CDH5: variants seen among roughly 807,000 people sequenced by gnomAD.
CDH5 encodes cadherin-5.
Under a neutral mutation model 62.0 loss-of-function variants are expected in CDH5, and 28 were observed. That is an observed-to-expected ratio of 0.45 (90% confidence interval 0.33 to 0.62). The LOEUF is 0.62. Among genes scored for constraint, CDH5 ranks in the 20% least tolerant of loss-of-function variants. The pLI is 0.02. For synonymous variants in CDH5, 464 were observed against 445.8 expected, an observed-to-expected ratio of 1.04 and a Z score of -0.52; for missense variants, 940 against 1,065.1, an observed-to-expected ratio of 0.88 and a Z score of 1.63.
At chr16:66,393,379 A>T (rs1025456601) in intron 7 of CDH5, among the ~76,000 whole-genome samples, 5 of 152,240 alleles carry the variant, frequency 3.3e-5, no homozygotes, top group African/African-American at 1.2e-4. Flanking sequence ...GAGGTTTAAC[A>T]GGAAGTATAG....
rs376087780 is a variant in CDH5, at chr16:66,392,366, G to A, written c.1200G>A (p.Ala400=). 1.7e-5 allele frequency: 27 copies of A among 1,614,170 alleles called. No individual in the cohort carries two copies. The highest frequency in any genetic ancestry group is 1.7e-4 in the Admixed American group (10 of 60,018). ...IGTVLAMDPD[A]ARHSIGYSIR... Reference sequence around the variant, plus strand: ...CAGTGCTGGCCATGGACCCTGATGCGGCTAGGCATAGCATTGGGTAAGGGG... The same window carrying A: ...CAGTGCTGGCCATGGACCCTGATGCAGCTAGGCATAGCATTGGGTAAGGGG... The change falls in exon 7 of 12, where the codon GCG becomes GCA. Residue 400 remains alanine, a synonymous_variant. Coordinates refer to ENST00000341529, the MANE Select transcript of CDH5 (RefSeq NM_001795.5).
intron 2 of CDH5, among the ~76,000 whole-genome samples, chr16:66,385,318 T>A (rs774783762): frequency 6.6e-6 from 1 of 152,244 alleles, no homozygotes; most frequent in Non-Finnish European, 1.5e-5. Context: ...TGGTGTAAGA[T>A]GCTTTACATA....
Position 66,389,391 on chromosome 16 carries a change from G to T in CDH5, c.650G>T (p.Arg217Leu). The part of the protein sequence containing the change: ...RIITITKSLD[R>L]EKQARYEIVV... ...ATCACAATAACGAAAAGCTTGGACCGAGAGAAGCAGGCCAGGTATGAGATC... is the reference window on the plus strand; with the variant it reads ...ATCACAATAACGAAAAGCTTGGACCTAGAGAAGCAGGCCAGGTATGAGATC... Residue 217 changes from arginine to leucine, a missense_variant, in exon 5 of 12, where the codon CGA becomes CTA. Coordinates refer to ENST00000341529, the MANE Select transcript of CDH5 (RefSeq NM_001795.5). The T allele has an allele frequency of 6.2e-7, 1 of 1,613,208 alleles. No individual in the cohort carries two copies. Among genetic ancestry groups the T allele is most frequent in the Non-Finnish European group, 8.5e-7 (1 of 1,179,518 alleles).
chr16:66,401,228 G>C (rs1961276518), intron 11 of CDH5, among the ~76,000 whole-genome samples: 1 of 152,202 alleles, frequency 6.6e-6, no homozygotes, highest in Non-Finnish European at 1.5e-5. Context: ...ATGAGCCAGG[G>C]AGGAGGAGGG....
rs1960992981 is a variant in CDH5 at position 66,386,872 on chromosome 16, G to A, written c.274G>A (p.Val92Ile). 6.2e-7 allele frequency: 1 copy of A among 1,614,206 alleles called. No individual in the cohort carries two copies. Reference sequence around the variant, plus strand: ...GCTCAAAGGAGAATATGTGGGCAAGGTCTTCCGGGTCGATGCAGAGACAGG... The same window carrying A: ...GCTCAAAGGAGAATATGTGGGCAAGATCTTCCGGGTCGATGCAGAGACAGG... ...YLLKGEYVGK[V>I]FRVDAETGDV... The change falls in exon 3 of 12, where the codon GTC becomes ATC. Residue 92 changes from valine to isoleucine, a missense_variant. Coordinates refer to ENST00000341529, the MANE Select transcript of CDH5 (RefSeq NM_001795.5).
In CDH5 at chr16:66,403,259, G is replaced by C. The variant is rs552236742; in HGVS notation, c.*90G>C. The C allele has an allele frequency of 8.1e-7, 1 of 1,228,736 alleles. No individual in the cohort carries two copies. The highest frequency in any genetic ancestry group is 1.1e-6 in the Non-Finnish European group (1 of 888,074). The allele number at this position is 1,228,736 out of a possible 1,614,324, so 76.1% of individuals were successfully genotyped here. ...GGCACCACAGCCTCCAAAAATGGCA[G>C]TGACTCCCCAGCCCAGCACCCCTTC... is the stretch of plus-strand genomic sequence containing the variant. On this transcript the variant is annotated 3_prime_UTR_variant, in exon 12 of 12. Coordinates refer to ENST00000341529, the MANE Select transcript of CDH5 (RefSeq NM_001795.5). This position sits in a 1 kb window ranked among gnomAD's most constrained non-coding sequence, Gnocchi z 4.3.
At chr16:66,371,832 GCTGGGTCCAGACTTC>G (rs61348368) in intron 1 of CDH5, among the ~76,000 whole-genome samples, 46,627 of 152,014 alleles carry the variant, frequency 0.31, 7,605 homozygotes, top group African/African-American at 0.42. Context: ...GGGGCCCCCA[GCTGGGTCCAGACTTC>G]CTATGTCTTA....
At chr16:66,394,181 C>A (rs1411760365) in intron 7 of CDH5, among the ~76,000 whole-genome samples, 1 of 152,118 alleles carries the variant, frequency 6.6e-6, no homozygotes, top group African/African-American at 2.4e-5. Context: ...AACTATTTTA[C>A]CTTCATTATG....
In CDH5 at chr16:66,379,391, G is replaced by C; in HGVS notation, c.54G>C (p.Leu18=). 6.2e-7 allele frequency: 1 copy of C among 1,614,064 alleles called. No homozygotes were observed. The highest frequency in any genetic ancestry group is 8.5e-7 in the Non-Finnish European group (1 of 1,179,992). The part of the protein sequence containing the change: ...LATSGACLGL[L]AVAAVAAAGA... The stretch of plus-strand genomic sequence containing the variant: ...CATCGGGCGCCTGCCTGGGCCTGCT[G>C]GCAGTGGCAGCAGTGGCAGCAGCAG... Residue 18 remains leucine, a synonymous_variant, in exon 2 of 12, where the codon CTG becomes CTC. Transcript: ENST00000341529.
intron 8 of CDH5, among the ~76,000 whole-genome samples, chr16:66,397,550 A>G (rs76488703): frequency 0.031 from 4,677 of 152,226 alleles, 220 homozygotes; most frequent in African/African-American, 0.11. Flanking sequence ...TATGTTTAAG[A>G]TGTAAGTGAC....
At chr16:66,397,870 C>T in intron 8 of CDH5, 112 bp from the exon 9 acceptor site, 1 of 1,213,934 alleles carries the variant, frequency 8.2e-7, no homozygotes, top group South Asian at 1.3e-5. Context: ...TGTTCCACAG[C>T]CTCCTCCTGC....
chr16:66,372,875 G>C (rs951142480), intron 1 of CDH5, among the ~76,000 whole-genome samples: 2 of 152,178 alleles, frequency 1.3e-5, no homozygotes, highest in African/African-American at 4.8e-5. Flanking sequence ...CAGACTGAGG[G>C]AGGGTACAGA....
At position 66,396,105 on chromosome 16, in the gene CDH5, A is replaced by G. The variant is rs766280589; in HGVS notation, c.1264A>G (p.Thr422Ala). The change falls in exon 8 of 12, where the codon ACA (threonine) becomes GCA (alanine). Residue 422 changes from threonine (T) to alanine (A), a missense_variant. Physicochemically the swap from Thr to Ala is moderately conservative, Grantham distance 58. Transcript: ENST00000341529. ...TSDKGQFFRV[T>A]KKGDIYNEKE... The stretch of plus-strand genomic sequence containing the variant: ...TGACAAGGGCCAGTTCTTCCGAGTC[A>G]CAAAAAAGGGGGACATTTACAATGA... 2.5e-6 allele frequency: 4 copies of G among 1,614,152 alleles called. No homozygotes were observed. The highest frequency in any genetic ancestry group is 1.7e-4 in the Middle Eastern group (1 of 6,032).
intron 1 of CDH5, among the ~76,000 whole-genome samples, chr16:66,373,369 A>G (rs1237155105): frequency 6.6e-6 from 1 of 151,844 alleles, no homozygotes; most frequent in African/African-American, 2.4e-5. Context: ...CATCTGTCCA[A>G]CAAGACCCTT....
chr16:66,382,438 ACT>A (rs893219036), intron 2 of CDH5, among the ~76,000 whole-genome samples: 31 of 152,184 alleles, frequency 2.0e-4, no homozygotes, highest in African/African-American at 7.5e-4. Context: ...AGCATTCCTG[ACT>A]CTCAACACAA....
intron 6 of CDH5, 87 bp downstream of exon 6, chr16:66,390,677 A>G: frequency 1.6e-6 from 2 of 1,259,020 alleles, no homozygotes; most frequent in Non-Finnish European, 2.3e-6. Flanking sequence ...CTCCTGGGCC[A>G]GAGACCATCA....
intron 1 of CDH5, among the ~76,000 whole-genome samples, chr16:66,367,480 C>T (rs1421925011): frequency 1.3e-5 from 2 of 152,190 alleles, no homozygotes; most frequent in Non-Finnish European, 2.9e-5. Flanking sequence ...AGCCCCAAGG[C>T]CCCCACAGCC....
chr16:66,380,548 G>A (rs1335447283), intron 2 of CDH5, among the ~76,000 whole-genome samples: 2 of 151,908 alleles, frequency 1.3e-5, no homozygotes, highest in Non-Finnish European at 2.9e-5. Context: ...GGTGATCATG[G>A]TGATGGTGGT....
At chr16:66,392,077 A>G in intron 6 of CDH5, 59 bp from the exon 7 acceptor site, 1 of 1,605,872 alleles carries the variant, frequency 6.2e-7, no homozygotes, top group South Asian at 1.1e-5. Context: ...TGTGCAGATC[A>G]TGTGCCACAC....
Sources: allele counts gnomAD v4.1 joint callset (sites outside exome capture counted in the v4.1 genomes callset), GRCh38; gene constraint gnomAD v4.1.1; non-coding constraint Gnocchi (gnomAD v3.1); transcripts MANE v1.5; gene names NCBI Gene and HGNC (gene_info 2026-07-23, HGNC 2026-07-21).